The following NRXN1 variants were observed in gnomAD, a reference collection of about 807,000 sequenced individuals.
NRXN1 encodes the protein neurexin-1.
A neutral mutation model predicts 150.9 loss-of-function variants in NRXN1; 39 were observed. The observed-to-expected ratio is 0.26, with a 90% CI of 0.20 to 0.34. The LOEUF (loss-of-function observed/expected upper bound fraction) is 0.34. Ranked by LOEUF, NRXN1 falls within the 10% of genes least tolerant of loss-of-function variation. NRXN1 has a pLI of 1.00. For missense variants in NRXN1, 1,815 were observed against 1,949.9 expected, an observed-to-expected ratio of 0.93 and a Z score of 1.30; for synonymous variants, 924 against 757.0, an observed-to-expected ratio of 1.22 and a Z score of -3.62.
intron 18 of NRXN1, among the ~76,000 whole-genome samples, chr2:50,114,023 T>C (rs1702709673): frequency 6.6e-6 from 1 of 152,014 alleles, no homozygotes; most frequent in South Asian, 2.1e-4. Context: ...CAGTGAAAAG[T>C]AATATACAAA....
intron 12 of NRXN1, chr2:50,526,621 G>A (rs544718924): frequency 6.6e-6 from 1 of 152,224 alleles, no homozygotes; most frequent in African/African-American, 2.4e-5. Context: ...TCAAAGGTGA[G>A]TCTTTTTTAT....
At chr2:50,107,463 CTT>C (rs1168695302) in intron 18 of NRXN1, among the ~76,000 whole-genome samples, 1 of 147,896 alleles carries the variant, frequency 6.8e-6, no homozygotes, top group Non-Finnish European at 1.5e-5. Context: ...CCACTTCTTA[CTT>C]TTTTTAGGTT....
Position 50,475,097 on chromosome 2 carries a change from T to C in NRXN1, c.3071-2626A>G, listed in dbSNP as rs148196329. ...AAATACTACCTACTCCTTTCATTTG[T>C]TGAACAAAATTTGTTAGAAAATTTC... On this transcript the variant is annotated intron_variant, in intron 15 of 22. Transcript: ENST00000401669. 5.1e-3 allele frequency among the ~76,000 whole-genome samples: 783 copies of C among 152,218 alleles called. 7 individuals are homozygous for C. Among genetic ancestry groups the C allele is most frequent in the African/African-American group, 0.018 (734 of 41,554 alleles).
In NRXN1 at chr2:50,053,523, G is replaced by A. The variant is rs1413810201; in HGVS notation, c.3876C>T (p.Pro1292=). ...ACAGCCCAGAGAGCTGGCCCTGGAAGGGCTGGCCCTGCTCTTTCCCGCCAA... is the reference window on the plus strand; with the variant it reads ...ACAGCCCAGAGAGCTGGCCCTGGAAAGGCTGGCCCTGCTCTTTCCCGCCAA... ...IIIGGKEQGQ[P]FQGQLSGLYY... The change falls in exon 21 of 23, where the codon CCC becomes CCT. Residue 1292 remains proline, a synonymous_variant. Transcript: ENST00000401669. 6.2e-7 allele frequency: 1 copy of A among 1,613,950 alleles called. No individual in the cohort carries two copies. The highest frequency in any genetic ancestry group is 1.3e-5 in the African/African-American group (1 of 74,934).
intron 18 of NRXN1, among the ~76,000 whole-genome samples, chr2:50,182,221 T>A (rs190685662): frequency 6.6e-6 from 1 of 151,776 alleles, no homozygotes; most frequent in Non-Finnish European, 1.5e-5. Flanking sequence ...TATGGTAGAC[T>A]CTCAATAAAT....
At chr2:50,058,766 G>A (rs888190023) in intron 19 of NRXN1, among the ~76,000 whole-genome samples, 3 of 152,040 alleles carry the variant, frequency 2.0e-5, no homozygotes, top group African/African-American at 4.8e-5. Flanking sequence ...GAGTAAATAA[G>A]TCTCACAAGA....
Position 49,954,742 on chromosome 2 carries a change from T to C in NRXN1, c.4129-10951A>G, listed in dbSNP as rs537650407. 2.6e-5 allele frequency among the ~76,000 whole-genome samples: 4 copies of C among 152,302 alleles called. No homozygotes were observed. The East Asian group carries it at 7.7e-4, about 29-fold the overall frequency. On this transcript the variant is annotated intron_variant, in intron 21 of 22. Transcript: ENST00000401669. ...TGCTTATCAACTCCTGTTAAGACAA[T>C]GAGCTATCTTTTCTTAGTGCATTAG... is the stretch of plus-strand genomic sequence containing the variant.
chr2:50,879,839 A>T (rs1209591807), intron 5 of NRXN1, among the ~76,000 whole-genome samples: 4 of 151,944 alleles, frequency 2.6e-5, no homozygotes, highest in Non-Finnish European at 4.4e-5. Context: ...TATGGTCGTA[A>T]TGCTACAGAA....
intron 8 of NRXN1, chr2:50,615,699 T>C (rs1402804748): frequency 6.6e-6 from 1 of 152,148 alleles, no homozygotes; most frequent in Non-Finnish European, 1.5e-5. Flanking sequence ...ACTGTAAGAC[T>C]TTTCTACAGG....
chr2:50,373,674 G>GA (rs1232475532), intron 17 of NRXN1, among the ~76,000 whole-genome samples: 1,619 of 97,346 alleles, frequency 0.017, 26 homozygotes, highest in African/African-American at 0.046. Context: ...AAGAAAGAAA[G>GA]AAAGAAAAGA....
chr2:50,202,234 C>T (rs1421477222), intron 18 of NRXN1, among the ~76,000 whole-genome samples: 1 of 152,074 alleles, frequency 6.6e-6, no homozygotes, highest in Non-Finnish European at 1.5e-5. Flanking sequence ...GGGCTGGGCG[C>T]GGTGGCTCAC....
intron 18 of NRXN1, among the ~76,000 whole-genome samples, chr2:50,182,210 A>C (rs543692769): frequency 2.0e-4 from 30 of 151,542 alleles, no homozygotes; most frequent in Non-Finnish European, 3.8e-4. Context: ...AAAATCTAGA[A>C]TATGGTAGAC....
chr2:50,623,287 T>G, intron 6 of NRXN1, 27 bp downstream of exon 6: 1 of 1,590,040 alleles, frequency 6.3e-7, no homozygotes, highest in Non-Finnish European at 8.6e-7. Flanking sequence ...ACAAAGCCAG[T>G]TACTCTCTTA....
intron 2 of NRXN1, among the ~76,000 whole-genome samples, chr2:51,024,088 C>T (rs1166490904): frequency 6.6e-6 from 1 of 152,146 alleles, no homozygotes. Context: ...TGTTTTTAAA[C>T]TGGATAGCTA....
rs76925492 is a variant in NRXN1 at position 49,989,555 on chromosome 2, C to A, written c.4129-45764G>T. 2.2e-4 allele frequency among the ~76,000 whole-genome samples: 33 copies of A among 152,206 alleles called. No homozygotes were observed. In the East Asian group the frequency reaches 5.8e-3, roughly 27 times the overall value. On this transcript the variant is annotated intron_variant, in intron 21 of 22. Transcript: ENST00000401669. ...TGTTGTAGCAAGGAAGAACACACAC[C>A]ACACGGAGCCATGAAGTATCTTAGT...
At chr2:50,835,238 T>C (rs995572703) in intron 5 of NRXN1, among the ~76,000 whole-genome samples, 1 of 151,814 alleles carries the variant, frequency 6.6e-6, no homozygotes, top group Non-Finnish European at 1.5e-5. Flanking sequence ...AAATTTAAAC[T>C]CCTAAGTGAA....
At chr2:50,424,454 A>G (rs2084318798) in intron 17 of NRXN1, among the ~76,000 whole-genome samples, 1 of 151,904 alleles carries the variant, frequency 6.6e-6, no homozygotes, top group Admixed American at 6.6e-5. Flanking sequence ...GAGGACTGGG[A>G]GACACTCTGC....
rs1390577829 is a variant in NRXN1 at position 50,522,732 on chromosome 2, T to C, written c.2374+5893A>G. Among the ~76,000 whole-genome samples the C allele has an allele frequency of 4.4e-3, 544 of 122,600 alleles. 17 individuals are homozygous for C. The highest frequency in any genetic ancestry group is 9.5e-3 in the Admixed American group (117 of 12,324). 80.4% of individuals were successfully genotyped at this position (122,600 alleles called of 152,430 possible). A position where few individuals can be genotyped will look rare whatever the true frequency, so the allele number is the denominator to read the frequency against. The stretch of plus-strand genomic sequence containing the variant: ...TTTATTTTTATTCATTTTTTTTTTT[T>C]TTTTTTTTTTTTTTTTTTGAGAGGA... On this transcript the variant is annotated intron_variant, in intron 12 of 22. Coordinates refer to ENST00000401669, the MANE Select transcript of NRXN1 (RefSeq NM_001330078.2).
chr2:50,408,276 G>C (rs1344772616), intron 17 of NRXN1, among the ~76,000 whole-genome samples: 2 of 152,146 alleles, frequency 1.3e-5, no homozygotes, highest in Admixed American at 6.5e-5. Flanking sequence ...ATGAGAGTCT[G>C]GTTAAGTTTA....
Sources: allele counts gnomAD v4.1 joint callset (sites outside exome capture counted in the v4.1 genomes callset), GRCh38; gene constraint gnomAD v4.1.1; transcripts MANE v1.5; gene names NCBI Gene and HGNC (gene_info 2026-07-23, HGNC 2026-07-21).